HOOK3: variants seen among roughly 807,000 people sequenced by gnomAD.
HOOK3 encodes the protein hook microtubule tethering protein 3, also known as protein Hook homolog 3.
A neutral mutation model predicts 116.3 loss-of-function variants in HOOK3; 24 were observed. The ratio of observed to expected loss-of-function variants is 0.21; its 90% CI spans 0.15 to 0.29. The LOEUF is 0.29. Ranked by LOEUF, HOOK3 falls within the 10% of genes least tolerant of loss-of-function variation. The pLI, the probability that HOOK3 is intolerant of heterozygous loss-of-function variation, is 1.00. For missense variants in HOOK3, 632 were observed against 830.2 expected (o/e 0.76, Z 2.93); for synonymous variants, 275 against 283.0 (o/e 0.97, Z 0.28).
At chr8:42,956,789 G>C (rs977896870) in intron 6 of HOOK3, among the ~76,000 whole-genome samples, 2 of 151,994 alleles carry the variant, frequency 1.3e-5, no homozygotes, top group Non-Finnish European at 2.9e-5. Context: ...TCTCCATGTT[G>C]GTCAGGCTGG....
At chr8:42,988,593 A>T (rs1446057448) in intron 15 of HOOK3, among the ~76,000 whole-genome samples, 1 of 152,208 alleles carries the variant, frequency 6.6e-6, no homozygotes, top group Non-Finnish European at 1.5e-5. Flanking sequence ...AACACTGACG[A>T]TGAATAACTT....
At chr8:43,010,103 TAA>T (rs34194371) in intron 18 of HOOK3, among the ~76,000 whole-genome samples, 200 bp from the exon 19 acceptor site, 25 of 131,640 alleles carry the variant, frequency 1.9e-4, no homozygotes, top group South Asian at 2.4e-4. Flanking sequence ...AATCTTTTTG[TAA>T]AAAAAAAAAA....
intron 2 of HOOK3, among the ~76,000 whole-genome samples, chr8:42,911,488 TG>T (rs1807428303): frequency 6.6e-6 from 1 of 152,152 alleles, no homozygotes; most frequent in Non-Finnish European, 1.5e-5. Context: ...AAGAAGCAGT[TG>T]AAGGCTTTGG....
intron 13 of HOOK3, among the ~76,000 whole-genome samples, chr8:42,975,161 G>A (rs1322306945): frequency 6.6e-6 from 1 of 152,162 alleles, no homozygotes; most frequent in Non-Finnish European, 1.5e-5. Flanking sequence ...GAGAGAGCCC[G>A]CCTGTTTCCT....
intron 14 of HOOK3, among the ~76,000 whole-genome samples, chr8:42,986,002 C>T (rs559368458): frequency 6.6e-6 from 1 of 152,218 alleles, no homozygotes; most frequent in Non-Finnish European, 1.5e-5. Flanking sequence ...AAAGATGACC[C>T]TGTGTAAAGA....
chr8:42,967,912 T>C (rs1332781686), intron 10 of HOOK3, 101 bp from the exon 11 acceptor site: 2 of 686,230 alleles, frequency 2.9e-6, no homozygotes, highest in Non-Finnish European at 5.2e-6. Context: ...TTTTGTCTTA[T>C]TTCATTAGAT....
chr8:42,973,468 G>T, intron 12 of HOOK3, 69 bp downstream of exon 12: 1 of 939,580 alleles, frequency 1.1e-6, no homozygotes, highest in Non-Finnish European at 1.6e-6. Flanking sequence ...TTTAATTCAT[G>T]TTTGGCCACA....
chr8:42,971,494 T>G (rs1168158338), intron 11 of HOOK3, among the ~76,000 whole-genome samples: 2 of 151,440 alleles, frequency 1.3e-5, no homozygotes, highest in East Asian at 4.0e-4. Flanking sequence ...GTCTTGAACT[T>G]CTGACTTCAG....
At chr8:42,919,566 C>T (rs886487178) in intron 2 of HOOK3, among the ~76,000 whole-genome samples, 3 of 152,214 alleles carry the variant, frequency 2.0e-5, no homozygotes, top group South Asian at 2.1e-4. Flanking sequence ...GCTGCAATCT[C>T]GGCATTTTGG....
chr8:43,006,802 C>T (rs531516011), intron 17 of HOOK3, among the ~76,000 whole-genome samples: 42 of 152,062 alleles, frequency 2.8e-4, no homozygotes, highest in East Asian at 1.9e-3. Flanking sequence ...ATCAGAAAGA[C>T]GTAAAGTGCT....
At chr8:42,969,083 T>C (rs918948211) in intron 11 of HOOK3, among the ~76,000 whole-genome samples, 11 of 152,218 alleles carry the variant, frequency 7.2e-5, no homozygotes, top group African/African-American at 2.2e-4. Flanking sequence ...TTTATCTATT[T>C]TCCTGTTAAG....
At position 42,956,223 on chromosome 8, in the gene HOOK3, C is replaced by T. The variant is rs1013701014; in HGVS notation, c.469-871C>T. Among the ~76,000 whole-genome samples the T allele has an allele frequency of 5.9e-5, 8 of 135,884 alleles. No individual in the cohort carries two copies. The East Asian group carries it at 1.3e-3, about 22-fold the overall frequency. The allele number at this position is 135,884 out of a possible 152,430, so 89.1% of individuals were successfully genotyped here. A position where few individuals can be genotyped will look rare whatever the true frequency, so the allele number is the denominator to read the frequency against. On this transcript the variant is annotated intron_variant, in intron 6 of 21. Coordinates refer to ENST00000307602, the MANE Select transcript of HOOK3 (RefSeq NM_032410.4). ...TCTCTTTGCAACATAAGGATTAGGGCGTGTGTGTGTGTGTGTGTGTGTGTG... is the reference window on the plus strand; with the variant it reads ...TCTCTTTGCAACATAAGGATTAGGGTGTGTGTGTGTGTGTGTGTGTGTGTG...
chr8:42,972,483 C>T (rs1178398007), intron 11 of HOOK3, among the ~76,000 whole-genome samples: 1 of 152,094 alleles, frequency 6.6e-6, no homozygotes, highest in East Asian at 1.9e-4. Flanking sequence ...ATGATCATAG[C>T]TCACTGCAAT....
chr8:42,939,565 C>CG (rs1808056393), intron 4 of HOOK3, among the ~76,000 whole-genome samples: 1 of 142,934 alleles, frequency 7.0e-6, no homozygotes, highest in African/African-American at 2.6e-5. Context: ...GCTGGCCGAG[C>CG]GGGGGGCTGA....
chr8:42,962,590 G>A (rs1240008554), intron 8 of HOOK3, among the ~76,000 whole-genome samples: 1 of 151,264 alleles, frequency 6.6e-6, no homozygotes, highest in African/African-American at 2.4e-5. Context: ...ATTTTTTGTG[G>A]AGACAGGGTC....
rs185357368 is a variant in HOOK3, at chr8:42,983,924, G to A, written c.1391+1228G>A. Among the ~76,000 whole-genome samples the A allele has an allele frequency of 5.3e-5, 8 of 152,228 alleles. No homozygotes were observed. The East Asian group carries it at 1.5e-3, about 29-fold the overall frequency. On this transcript the variant is annotated intron_variant, in intron 14 of 21. Transcript: ENST00000307602. ...GGCCTATTTGCCCCTTTTCAAAATG[G>A]ACACTGGCCTTGCTTCTTCATAAAC...
chr8:42,927,245 G>GTTTTTTTTTTGTT (rs1389225180), intron 3 of HOOK3, among the ~76,000 whole-genome samples: 24 of 119,336 alleles, frequency 2.0e-4, no homozygotes, highest in Non-Finnish European at 3.1e-4. Context: ...AATGGCACTG[G>GTTTTTTTTTTGTT]TTTTTTTTTT....
At position 43,022,809 on chromosome 8, in the gene HOOK3, TATA is replaced by T; in HGVS notation, c.*4316_*4318del. 5.7e-6 allele frequency: 1 copy of T among 176,716 alleles called. No homozygotes were observed. The highest frequency in any genetic ancestry group is 9.6e-5 in the East Asian group (1 of 10,454). 10.9% of individuals were successfully genotyped at this position (176,716 alleles called of 1,614,324 possible). A position where few individuals can be genotyped will look rare whatever the true frequency, so the allele number is the denominator to read the frequency against. The stretch of plus-strand genomic sequence containing the variant: ...AAGTGTTTTAATTAGATTATTAGAC[TATA>T]ATAAGGATGAAATTGCTGTCTGTAA... On this transcript the variant is annotated 3_prime_UTR_variant, in exon 22 of 22. Coordinates refer to ENST00000307602, the MANE Select transcript of HOOK3 (RefSeq NM_032410.4).
intron 2 of HOOK3, among the ~76,000 whole-genome samples, chr8:42,923,335 A>C (rs1282349628): frequency 6.6e-6 from 1 of 152,230 alleles, no homozygotes; most frequent in Non-Finnish European, 1.5e-5. Context: ...TACCCAAATG[A>C]AACAAATGTC....
Sources: allele counts gnomAD v4.1 joint callset (sites outside exome capture counted in the v4.1 genomes callset), GRCh38; gene constraint gnomAD v4.1.1; transcripts MANE v1.5; gene names NCBI Gene and HGNC (gene_info 2026-07-23, HGNC 2026-07-21).